Variants in PPP2R2B observed in about 807,000 individuals in gnomAD.
PPP2R2B encodes protein phosphatase 2 regulatory subunit Bbeta, also known as serine/threonine-protein phosphatase 2A 55 kDa regulatory subunit B beta isoform.
A neutral mutation model predicts 46.0 loss-of-function variants in PPP2R2B; 5 were observed. The observed-to-expected ratio is 0.11, with a 90% CI of 0.06 to 0.23. PPP2R2B has a LOEUF of 0.23. PPP2R2B is among the 10% of genes least tolerant of loss of function. PPP2R2B has a pLI of 1.00. For synonymous variants in PPP2R2B, 215 were observed against 206.7 expected, an observed-to-expected ratio of 1.04 and a Z score of -0.34; for missense variants, 367 against 575.0, an observed-to-expected ratio of 0.64 and a Z score of 3.70.
chr5:146,911,457 G>A (rs1763179855), intron 1 of PPP2R2B, among the ~76,000 whole-genome samples: 1 of 152,112 alleles, frequency 6.6e-6, no homozygotes, highest in Admixed American at 6.5e-5. Context: ...TTCTCTCTAT[G>A]CCACTAGATG....
intron 1 of PPP2R2B, among the ~76,000 whole-genome samples, chr5:146,888,718 T>C (rs79395952): frequency 3.3e-3 from 502 of 152,042 alleles, no homozygotes; most frequent in Non-Finnish European, 5.1e-3. Flanking sequence ...TCACCTCCCC[T>C]CCCACCACCA....
rs1402347384 is a variant in PPP2R2B, at chr5:146,878,471, C to A, written c.-125+120G>T. The A allele has an allele frequency of 2.2e-6, 3 of 1,361,888 alleles. No homozygotes were observed. Among genetic ancestry groups the A allele is most frequent in the African/African-American group, 1.5e-5 (1 of 67,938 alleles). 84.4% of individuals were successfully genotyped at this position (1,361,888 alleles called of 1,614,324 possible). A position where few individuals can be genotyped will look rare whatever the true frequency, so the allele number is the denominator to read the frequency against. On this transcript the variant is annotated intron_variant, in intron 1 of 9. Coordinates refer to ENST00000394411, the MANE Select transcript of PPP2R2B (RefSeq NM_181675.4). This position sits in a 1 kb window ranked among gnomAD's most constrained non-coding sequence, Gnocchi z 4.5. Reference sequence around the variant, plus strand: ...CCAACAGGTTCCCCTCCTTGGCAGCCGCTCCAAAATGCAAAAAAGATCCCT... The same window carrying A: ...CCAACAGGTTCCCCTCCTTGGCAGCAGCTCCAAAATGCAAAAAAGATCCCT...
intron 1 of PPP2R2B, among the ~76,000 whole-genome samples, chr5:146,951,832 T>C (rs1436981049): frequency 1.3e-5 from 2 of 152,150 alleles, no homozygotes; most frequent in Non-Finnish European, 2.9e-5. Context: ...TGCATACATG[T>C]ATCTTTATAA....
intron 2 of PPP2R2B, among the ~76,000 whole-genome samples, chr5:146,864,527 T>G (rs1200167544): frequency 1.3e-5 from 2 of 150,872 alleles, no homozygotes; most frequent in Middle Eastern, 3.2e-3. Flanking sequence ...AGTTACCTAC[T>G]CACCAGTTTG....
intron 7 of PPP2R2B, among the ~76,000 whole-genome samples, chr5:146,629,353 T>C (rs1483353891): frequency 6.6e-6 from 1 of 152,150 alleles, no homozygotes; most frequent in East Asian, 1.9e-4. Flanking sequence ...GATTCTCCCT[T>C]TTCCATCACC....
intron 2 of PPP2R2B, among the ~76,000 whole-genome samples, chr5:146,810,692 C>A (rs1168621031): frequency 2.0e-5 from 3 of 151,982 alleles, no homozygotes; most frequent in African/African-American, 7.2e-5. Context: ...CTTCCAGTCT[C>A]TATGGCTCCT....
intron 6 of PPP2R2B, among the ~76,000 whole-genome samples, chr5:146,638,850 A>T (rs1775001878): frequency 6.6e-6 from 1 of 152,196 alleles, no homozygotes; most frequent in Non-Finnish European, 1.5e-5. Context: ...CTGATAAGTG[A>T]TATCTATAAT....
intron 2 of PPP2R2B, among the ~76,000 whole-genome samples, chr5:146,721,410 T>G (rs1235082776): frequency 6.6e-6 from 1 of 152,172 alleles, no homozygotes; most frequent in Non-Finnish European, 1.5e-5. Context: ...ATCCAGAGGC[T>G]CTTTCAAAGG....
intron 2 of PPP2R2B, among the ~76,000 whole-genome samples, chr5:146,715,521 A>T (rs1241191040): frequency 1.3e-5 from 2 of 152,154 alleles, no homozygotes; most frequent in African/African-American, 2.4e-5. Context: ...ATCCATCGTC[A>T]TATATTGGAT....
intron 7 of PPP2R2B, among the ~76,000 whole-genome samples, chr5:146,609,892 G>A (rs1364261387): frequency 7.0e-6 from 1 of 142,618 alleles, no homozygotes; most frequent in Non-Finnish European, 1.5e-5. Context: ...AGATCAAACT[G>A]CAAGGTGGCA....
chr5:147,067,536 A>G (rs1457467897), intron 2 of PPP2R2B, among the ~76,000 whole-genome samples: 1 of 152,200 alleles, frequency 6.6e-6, no homozygotes, highest in Non-Finnish European at 1.5e-5. Context: ...TTCCACCAGA[A>G]GGGATATCAG....
At chr5:146,605,180 C>T (rs1362580771) in intron 7 of PPP2R2B, among the ~76,000 whole-genome samples, 1 of 152,184 alleles carries the variant, frequency 6.6e-6, no homozygotes, top group Non-Finnish European at 1.5e-5. Flanking sequence ...GTACAACTCA[C>T]AGCTAGTAGG....
intron 1 of PPP2R2B, among the ~76,000 whole-genome samples, chr5:146,911,746 C>A (rs1369711813): frequency 5.3e-5 from 8 of 152,182 alleles, no homozygotes; most frequent in Non-Finnish European, 1.2e-4. Flanking sequence ...AATTTTATTT[C>A]ATAAGCAACC....
At position 146,912,238 on chromosome 5, in the gene PPP2R2B, C is replaced by CAAAAAA. The variant is rs35127306; in HGVS notation, c.79+143421_79+143426dup. Reference sequence around the variant, plus strand: ...TGGGTGATAGAGTGAGGCTCCGTCTCAAAAAAAAAAAAAAAAAAAAAAAGT... The same window carrying CAAAAAA: ...TGGGTGATAGAGTGAGGCTCCGTCTCAAAAAAAAAAAAAAAAAAAAAAAAAAAAAGT... On this transcript the variant is annotated intron_variant, in intron 1 of 8. Transcript: ENST00000336640. 4.7e-3 allele frequency among the ~76,000 whole-genome samples: 268 copies of CAAAAAA among 56,582 alleles called. 11 individuals carry two copies. The highest frequency in any genetic ancestry group is 0.017 in the African/African-American group (253 of 14,730). 37.1% of individuals were successfully genotyped at this position (56,582 alleles called of 152,430 possible).
At chr5:147,033,166 GAGA>G (rs1194645311) in intron 1 of PPP2R2B, among the ~76,000 whole-genome samples, 1 of 152,204 alleles carries the variant, frequency 6.6e-6, no homozygotes, top group African/African-American at 2.4e-5. Flanking sequence ...TATAACAGTA[GAGA>G]AGATTACTGA....
chr5:147,074,660 A>G (rs1474788805), intron 2 of PPP2R2B, among the ~76,000 whole-genome samples: 3 of 152,146 alleles, frequency 2.0e-5, no homozygotes, highest in African/African-American at 2.4e-5. Context: ...TCATTCTTAT[A>G]ATCTCGAATT....
At chr5:146,897,498 C>T (rs904792942) in intron 1 of PPP2R2B, among the ~76,000 whole-genome samples, 1 of 152,196 alleles carries the variant, frequency 6.6e-6, no homozygotes, top group Non-Finnish European at 1.5e-5. Context: ...TCTGTGCCTA[C>T]TCACTGTATA....
intron 1 of PPP2R2B, among the ~76,000 whole-genome samples, chr5:146,981,915 C>T (rs1255172175): frequency 1.3e-5 from 2 of 152,160 alleles, no homozygotes; most frequent in African/African-American, 2.4e-5. Flanking sequence ...GCAACTTGCC[C>T]AGAAGTCAAA....
At chr5:146,842,247 T>C (rs1179895493) in intron 2 of PPP2R2B, among the ~76,000 whole-genome samples, 1 of 152,176 alleles carries the variant, frequency 6.6e-6, no homozygotes, top group African/African-American at 2.4e-5. Flanking sequence ...TCCAAAATTA[T>C]ATGGCCTGCT....
Sources: allele counts gnomAD v4.1 joint callset (sites outside exome capture counted in the v4.1 genomes callset), GRCh38; gene constraint gnomAD v4.1.1; non-coding constraint Gnocchi (gnomAD v3.1); transcripts MANE v1.5; gene names NCBI Gene and HGNC (gene_info 2026-07-23, HGNC 2026-07-21).